GPC6: variants seen among roughly 807,000 people sequenced by gnomAD.
GPC6 encodes the protein glypican-6.
A neutral mutation model predicts 55.2 loss-of-function variants in GPC6; 14 were observed. The observed-to-expected ratio is 0.25, with a 90% CI of 0.17 to 0.40. GPC6 has a LOEUF of 0.40. GPC6 is among the 10% of genes least tolerant of loss of function. GPC6 has a pLI of 1.00. For missense variants in GPC6, 641 were observed against 708.5 expected (o/e 0.90, Z 1.08); for synonymous variants, 278 against 259.6 (o/e 1.07, Z -0.68).
rs1377328948 is a variant in GPC6 at position 93,584,415 on chromosome 13, T to G, written c.319+38994T>G. ...GTAATAATTCTAGGACATCGTTGGC[T>G]TTTTCTCAGTCTCATTCTCTCATGA... On this transcript the variant is annotated intron_variant, in intron 2 of 8. Coordinates refer to ENST00000377047, the MANE Select transcript of GPC6 (RefSeq NM_005708.5). Among the ~76,000 whole-genome samples, 4 of 152,190 alleles carry G rather than the reference T, an allele frequency of 2.6e-5. No individual in the cohort carries two copies. In the East Asian group the frequency reaches 7.7e-4, roughly 29 times the overall value.
chr13:94,343,348 G>T (rs1210344024), intron 6 of GPC6, among the ~76,000 whole-genome samples: 5 of 152,114 alleles, frequency 3.3e-5, no homozygotes, highest in Admixed American at 1.3e-4. Context: ...AATGAAGCCC[G>T]CAGCCTTTGC....
intron 1 of GPC6, among the ~76,000 whole-genome samples, chr13:93,454,363 T>C (rs61964190): frequency 0.085 from 9,868 of 115,710 alleles, 38 homozygotes; most frequent in Non-Finnish European, 0.1. Context: ...ATAGTGTCGA[T>C]TGGTGCACTC....
At chr13:93,856,439 G>T (rs1300850548) in intron 3 of GPC6, among the ~76,000 whole-genome samples, 1 of 151,538 alleles carries the variant, frequency 6.6e-6, no homozygotes, top group Non-Finnish European at 1.5e-5. Flanking sequence ...GGTCCAGAAG[G>T]CATGGATCCT....
intron 3 of GPC6, among the ~76,000 whole-genome samples, chr13:93,935,529 T>C (rs1878392505): frequency 6.6e-6 from 1 of 152,212 alleles, no homozygotes; most frequent in Non-Finnish European, 1.5e-5. Flanking sequence ...GTTCCATGAC[T>C]TTGCTATTGT....
At chr13:93,613,854 C>G (rs1035472440) in intron 2 of GPC6, among the ~76,000 whole-genome samples, 3 of 152,148 alleles carry the variant, frequency 2.0e-5, no homozygotes, top group African/African-American at 7.2e-5. Flanking sequence ...CCAGTCCTCC[C>G]TAAAATGTGG....
chr13:93,467,620 C>T (rs1420571043), intron 1 of GPC6, among the ~76,000 whole-genome samples: 1 of 124,556 alleles, frequency 8.0e-6, no homozygotes, highest in Admixed American at 1.0e-4. Context: ...CTCATCCTGT[C>T]ACCCAGGATG....
At chr13:93,908,434 C>G (rs1876785968) in intron 3 of GPC6, among the ~76,000 whole-genome samples, 1 of 152,104 alleles carries the variant, frequency 6.6e-6, no homozygotes, top group South Asian at 2.1e-4. Context: ...TGCAGAATTC[C>G]CAGATGATTT....
intron 3 of GPC6, among the ~76,000 whole-genome samples, chr13:93,990,173 A>G (rs980209162): frequency 2.0e-5 from 3 of 151,984 alleles, no homozygotes; most frequent in African/African-American, 2.4e-5. Flanking sequence ...TCTAGCACTC[A>G]TTTCATTAAA....
chr13:93,768,153 G>A (rs1335252468), intron 2 of GPC6, among the ~76,000 whole-genome samples: 1 of 152,190 alleles, frequency 6.6e-6, no homozygotes, highest in East Asian at 1.9e-4. Flanking sequence ...GCTTACTGGA[G>A]ACAGATGAAC....
At chr13:93,542,179 C>A (rs1000648358) in intron 1 of GPC6, among the ~76,000 whole-genome samples, 2 of 152,102 alleles carry the variant, frequency 1.3e-5, no homozygotes, top group African/African-American at 4.8e-5. Context: ...AGTCTTTAAT[C>A]CATCTTGAAT....
chr13:94,104,758 A>C (rs1885992878), intron 4 of GPC6, among the ~76,000 whole-genome samples: 1 of 152,156 alleles, frequency 6.6e-6, no homozygotes, highest in Admixed American at 6.5e-5. Flanking sequence ...CCAGCTTACA[A>C]GGGATGTGAA....
At chr13:93,281,783 TC>T (rs772962010) in intron 1 of GPC6, among the ~76,000 whole-genome samples, 1 of 152,068 alleles carries the variant, frequency 6.6e-6, no homozygotes, top group Non-Finnish European at 1.5e-5. Flanking sequence ...GCCAGTGTAC[TC>T]CAGCGTGGGC....
chr13:94,374,768 GCACCA>G (rs1267313217), intron 6 of GPC6, among the ~76,000 whole-genome samples: 23 of 135,758 alleles, frequency 1.7e-4, no homozygotes, highest in Non-Finnish European at 2.5e-4. Flanking sequence ...ATTTTTTTCA[GCACCA>G]CACCACACCT....
chr13:93,381,718 A>G (rs1165945332), intron 1 of GPC6, among the ~76,000 whole-genome samples: 2 of 152,168 alleles, frequency 1.3e-5, no homozygotes, highest in Non-Finnish European at 2.9e-5. Context: ...TTTCACTGAC[A>G]TTGTCATTCC....
At chr13:94,012,519 G>A (rs866992465) in intron 3 of GPC6, among the ~76,000 whole-genome samples, 7 of 152,146 alleles carry the variant, frequency 4.6e-5, no homozygotes, top group Non-Finnish European at 7.4e-5. Context: ...TTAATCGATC[G>A]ATTGATCAAT....
chr13:93,736,270 T>C (rs1042345123), intron 2 of GPC6, among the ~76,000 whole-genome samples: 1 of 152,194 alleles, frequency 6.6e-6, no homozygotes, highest in East Asian at 1.9e-4. Flanking sequence ...ATATGAAAAC[T>C]TTAAATGTGT....
chr13:93,832,146 A>G (rs1185853070), intron 3 of GPC6, among the ~76,000 whole-genome samples: 1 of 82,238 alleles, frequency 1.2e-5, no homozygotes, highest in Non-Finnish European at 2.3e-5. Context: ...TATATATATA[A>G]TGTCCTTACA....
At chr13:93,572,041 G>A (rs1475437904) in intron 2 of GPC6, among the ~76,000 whole-genome samples, 3 of 152,070 alleles carry the variant, frequency 2.0e-5, no homozygotes, top group Non-Finnish European at 4.4e-5. Flanking sequence ...CTATAGCTGG[G>A]CCAAGAAGCT....
intron 1 of GPC6, among the ~76,000 whole-genome samples, chr13:93,340,018 TTTTC>T (rs1281885657): frequency 2.2e-5 from 3 of 138,322 alleles, no homozygotes; most frequent in Non-Finnish European, 4.6e-5. Context: ...AAAACAAAAG[TTTTC>T]TTTCTTTTTT....
Sources: allele counts gnomAD v4.1 joint callset (sites outside exome capture counted in the v4.1 genomes callset), GRCh38; gene constraint gnomAD v4.1.1; transcripts MANE v1.5; gene names NCBI Gene and HGNC (gene_info 2026-07-23, HGNC 2026-07-21).